Variants in EPGN observed in about 807,000 individuals in gnomAD.
The protein encoded by EPGN is epithelial mitogen.
EPGN carries 21 observed loss-of-function variants against 20.7 expected under a neutral mutation model. That is an observed-to-expected ratio of 1.01 (90% CI 0.72 to 1.46). The LOEUF is 1.46. EPGN is among the 40% of genes most tolerant of loss of function. The probability of loss-of-function intolerance (pLI) is 0.00; values close to 1 mark genes in which losing one functional copy is unlikely to be tolerated. For synonymous variants in EPGN, 69 were observed against 63.8 expected (o/e 1.08, Z -0.39); for missense variants, 199 against 180.7 (o/e 1.10, Z -0.58).
intron 4 of EPGN, chr4:74,314,186 G>A (rs1053390729): frequency 4.3e-6 from 2 of 465,832 alleles, no homozygotes; most frequent in Admixed American, 4.7e-5. Context: ...GCTAAGCAAA[G>A]ATGTGGCTTT....
At chr4:74,314,491 A>G in intron 4 of EPGN, 89 bp from the exon 5 acceptor site, 1 of 1,319,686 alleles carries the variant, frequency 7.6e-7, no homozygotes, top group Non-Finnish European at 1.0e-6. Flanking sequence ...GGACACCAAG[A>G]GCAACTGCTG....
chr4:74,313,087 T>G lies in EPGN; in HGVS notation c.324T>G (p.Tyr108Ter). 6.2e-7 allele frequency: 1 copy of G among 1,613,532 alleles called. No individual in the cohort carries two copies. Among genetic ancestry groups the G allele is most frequent in the Non-Finnish European group, 8.5e-7 (1 of 1,179,728 alleles). The change falls in exon 4 of 5, where the codon TAT becomes TAG. Residue 108 changes from tyrosine (Y) to a stop codon, truncating the protein, a stop_gained. Coordinates refer to ENST00000413830, the MANE Select transcript of EPGN (RefSeq NM_001270989.2). LOFTEE classifies it high-confidence loss of function. ...TAACTTCATATGCTGTGGATTCTTA[T>G]GAAAAATACATTGCAATTGGGATTG... ...LTLTSYAVDS[Y>*]EKYIAIGIGV... is the part of the protein sequence containing the mutation.
Position 74,315,625 on chromosome 4 carries a change from GA to G in EPGN, c.*996del, listed in dbSNP as rs1381744348. On this transcript the variant is annotated 3_prime_UTR_variant, in exon 5 of 5. Transcript: ENST00000413830. ...TAACAGATTTGCACATAGAGGGAGA[GA>G]AAAAAAATGGAGTAACAGTCAAAAT... Among the ~76,000 whole-genome samples, 1 of 151,746 alleles carries G rather than the reference GA, an allele frequency of 6.6e-6. No homozygotes were observed. Among genetic ancestry groups the G allele is most frequent in the African/African-American group, 2.4e-5 (1 of 41,416 alleles).
rs528252767 is a variant in EPGN, at chr4:74,314,790, G to A, written c.*153G>A. 6.8e-5 allele frequency: 51 copies of A among 744,720 alleles called. No homozygotes were observed. Among genetic ancestry groups the A allele is most frequent in the African/African-American group, 4.1e-4 (23 of 56,462 alleles). The allele number at this position is 744,720 out of a possible 1,614,324, so 46.1% of individuals were successfully genotyped here. On this transcript the variant is annotated 3_prime_UTR_variant, in exon 5 of 5. Coordinates refer to ENST00000413830, the MANE Select transcript of EPGN (RefSeq NM_001270989.2). Reference sequence around the variant, plus strand: ...ATGAAATGAGAAGATAAAATTCAGCGTTGGCCTTTAGACTTTGCCATCCTT... The same window carrying A: ...ATGAAATGAGAAGATAAAATTCAGCATTGGCCTTTAGACTTTGCCATCCTT...
Position 74,313,142 on chromosome 4 carries a change from G to T in EPGN, c.379G>T (p.Val127Phe), listed in dbSNP as rs1751072905. 1.4e-5 allele frequency: 23 copies of T among 1,611,298 alleles called. No individual in the cohort carries two copies. The highest frequency in any genetic ancestry group is 2.0e-5 in the Non-Finnish European group (23 of 1,179,196). Reference sequence around the variant, plus strand: ...TGGATTACTATTAAGTGGTTTTCTTGTTATTTTTTACTGCTATATAAGAAA... The same window carrying T: ...TGGATTACTATTAAGTGGTTTTCTTTTTATTTTTTACTGCTATATAAGAAA... ...GVGLLLSGFL[V>F]IFYCYIRKRC... Residue 127 changes from valine (V) to phenylalanine (F), a missense_variant, in exon 4 of 5, where the codon GTT becomes TTT. Physicochemically the swap from Val to Phe is conservative, Grantham distance 50. Coordinates refer to ENST00000413830, the MANE Select transcript of EPGN (RefSeq NM_001270989.2).
At chr4:74,313,350 T>C in intron 4 of EPGN, 180 bp downstream of exon 4, 1 of 1,397,016 alleles carries the variant, frequency 7.2e-7, no homozygotes, top group Non-Finnish European at 9.2e-7. Context: ...CCCAGACGAG[T>C]GGTAAAAATT....
rs1421214641 is a variant in EPGN at position 74,315,299 on chromosome 4, G to C, written c.*662G>C. The C allele has an allele frequency of 6.6e-6, 1 of 152,260 alleles. No homozygotes were observed. Among genetic ancestry groups the C allele is most frequent in the Non-Finnish European group, 1.5e-5 (1 of 68,086 alleles). 9.4% of individuals were successfully genotyped at this position (152,260 alleles called of 1,614,324 possible). ...ATGTGAAATAATGGAATAAACTAAA[G>C]AGTTTCTGAAGACTGAAGCTATCTG... is the stretch of plus-strand genomic sequence containing the variant. On this transcript the variant is annotated 3_prime_UTR_variant, in exon 5 of 5. Transcript: ENST00000413830.
At chr4:74,310,146 A>G (rs1045186757) in intron 2 of EPGN, among the ~76,000 whole-genome samples, 1 of 152,134 alleles carries the variant, frequency 6.6e-6, no homozygotes, top group Non-Finnish European at 1.5e-5. Flanking sequence ...GAAACACCTT[A>G]TTATAATTAT....
intron 2 of EPGN, among the ~76,000 whole-genome samples, chr4:74,309,906 A>G (rs190134242): frequency 6.6e-6 from 1 of 152,252 alleles, no homozygotes; most frequent in East Asian, 1.9e-4. Context: ...TGGCAATTTG[A>G]TTTAGGACAG....
At chr4:74,309,283 T>G (rs1750739100) in intron 2 of EPGN, 101 bp downstream of exon 2, 2 of 783,148 alleles carry the variant, frequency 2.6e-6, no homozygotes, top group African/African-American at 1.8e-5. Context: ...TAATATATAT[T>G]TTATTATTAG....
chr4:74,309,143 A>C lies in EPGN; in HGVS notation c.94A>C (p.Thr32Pro), dbSNP rs762491312. 3.1e-6 allele frequency: 5 copies of C among 1,613,666 alleles called. No homozygotes were observed. The South Asian group carries it at 5.5e-5, about 18-fold the overall frequency. Residue 32 changes from threonine to proline, a missense_variant, in exon 2 of 5, where the codon ACA becomes CCA. Thr to Pro is a conservative substitution (Grantham distance 38, BLOSUM62 -1). Transcript: ENST00000413830. ...AGCCGTGACTGTAACACCTCCAATC[A>C]CAGCCCAGCAAGGTAACTGGACAGT... is the stretch of plus-strand genomic sequence containing the variant. ...EAAVTVTPPI[T>P]AQQGNWTVNK...
chr4:74,313,164 GAAA>G lies in EPGN; in HGVS notation c.402_404del (p.Lys135del). The G allele has an allele frequency of 6.2e-7, 1 of 1,608,504 alleles. No homozygotes were observed. Among genetic ancestry groups the G allele is most frequent in the Non-Finnish European group, 8.5e-7 (1 of 1,178,750 alleles). The stretch of plus-strand genomic sequence containing the variant: ...CTTGTTATTTTTTACTGCTATATAA[GAAA>G]GAGGTATGAAAAAGACAAAATATGA... On this transcript the variant is annotated inframe_deletion, in exon 4 of 5. Transcript: ENST00000413830.
In EPGN at chr4:74,312,278, AC is replaced by A. The variant is rs1317519019; in HGVS notation, c.229del (p.His77MetfsTer3). On this transcript the variant is annotated frameshift_variant, in exon 3 of 5. Coordinates refer to ENST00000413830, the MANE Select transcript of EPGN (RefSeq NM_001270989.2). LOFTEE classifies it high-confidence loss of function. ...TGCATCAACGGTGCTTGTGCATTCCACCATGAGCTAGAGAAAGCCATCTGCA... is the reference window on the plus strand; with the variant it reads ...TGCATCAACGGTGCTTGTGCATTCCACATGAGCTAGAGAAAGCCATCTGCA... Reference protein sequence around the residue: ...SYCINGACAFHHELEKAICRC... With the variant: ...SYCINGACAFXHELEKAICRC... The A allele has an allele frequency of 9.3e-6, 15 of 1,612,020 alleles. No homozygotes were observed. Among genetic ancestry groups the A allele is most frequent in the African/African-American group, 1.3e-5 (1 of 74,826 alleles).
rs927704149 is a variant in EPGN, at chr4:74,312,168, G to T, written c.134-17G>T. 6 of 1,582,482 alleles carry T rather than the reference G, an allele frequency of 3.8e-6. No homozygotes were observed. In the African/African-American group the frequency reaches 6.8e-5, roughly 18 times the overall value. ...AAGACACATTTCATTTGCTAACATT[G>T]TATCTCCTTTTCCTAGCTGACAACA... On this transcript the variant is annotated splice_polypyrimidine_tract_variant and intron_variant, in intron 2 of 4. Transcript: ENST00000413830.
intron 4 of EPGN, among the ~76,000 whole-genome samples, chr4:74,313,764 C>T (rs972974834): frequency 1.1e-4 from 16 of 151,944 alleles, no homozygotes; most frequent in African/African-American, 3.9e-4. Context: ...TCCTTAAATC[C>T]ATGTAACTAG....
rs575134633 is a variant in EPGN at position 74,315,350 on chromosome 4, C to A, written c.*713C>A. The A allele has an allele frequency of 6.6e-6, 1 of 152,316 alleles. No homozygotes were observed. Among genetic ancestry groups the A allele is most frequent in the African/African-American group, 2.4e-5 (1 of 41,570 alleles). 9.4% of individuals were successfully genotyped at this position (152,316 alleles called of 1,614,324 possible). A position where few individuals can be genotyped will look rare whatever the true frequency, so the allele number is the denominator to read the frequency against. Reference sequence around the variant, plus strand: ...GATATCAAGTCTGGAGTAGGCAAAGCATTTCCATTTCTACATGGATTATAA... The same window carrying A: ...GATATCAAGTCTGGAGTAGGCAAAGAATTTCCATTTCTACATGGATTATAA... On this transcript the variant is annotated 3_prime_UTR_variant, in exon 5 of 5. Transcript: ENST00000413830.
In EPGN at chr4:74,314,803, C is replaced by A; in HGVS notation, c.*166C>A. ...ATAAAATTCAGCGTTGGCCTTTAGA[C>A]TTTGCCATCCTTAAGGAGTGATGGA... is the stretch of plus-strand genomic sequence containing the variant. On this transcript the variant is annotated 3_prime_UTR_variant, in exon 5 of 5. Coordinates refer to ENST00000413830, the MANE Select transcript of EPGN (RefSeq NM_001270989.2). The A allele has an allele frequency of 1.5e-6, 1 of 658,370 alleles. No homozygotes were observed. The highest frequency in any genetic ancestry group is 2.6e-6 in the Non-Finnish European group (1 of 391,644). The allele number at this position is 658,370 out of a possible 1,614,324, so 40.8% of individuals were successfully genotyped here.
chr4:74,313,480 A>G, intron 4 of EPGN: 1 of 1,218,638 alleles, frequency 8.2e-7, no homozygotes, highest in East Asian at 3.6e-5. Flanking sequence ...GGGACTAAGT[A>G]TGTCTTGTTC....
chr4:74,309,021 A>G (rs1750715896), intron 1 of EPGN, 72 bp from the exon 2 acceptor site: 2 of 1,119,324 alleles, frequency 1.8e-6, no homozygotes, highest in South Asian at 2.7e-5. Flanking sequence ...ACAGAATAAG[A>G]ATACTTTCCA....
Sources: gnomAD v4.1 joint callset for allele counts (sites outside exome capture counted in the v4.1 genomes callset) on GRCh38, gnomAD v4.1.1 for gene constraint, MANE v1.5 for transcripts, NCBI Gene and HGNC (gene_info 2026-07-23, HGNC 2026-07-21) for gene names.